The following ARFGAP1 variants were observed in gnomAD, a reference collection of about 807,000 sequenced individuals.
ARFGAP1 encodes ADP-ribosylation factor GTPase-activating protein 1.
A neutral mutation model predicts 54.0 loss-of-function variants in ARFGAP1; 26 were observed. That is an observed-to-expected ratio of 0.48 (90% CI 0.35 to 0.67). The LOEUF (loss-of-function observed/expected upper bound fraction) is 0.67. Ranked by LOEUF, ARFGAP1 falls within the 30% of genes least tolerant of loss-of-function variation. The pLI is 0.00. For missense variants in ARFGAP1, 525 were observed against 535.8 expected, an observed-to-expected ratio of 0.98 and a Z score of 0.20; for synonymous variants, 248 against 211.9, an observed-to-expected ratio of 1.17 and a Z score of -1.48.
At chr20:63,278,285 G>GAA in intron 6 of ARFGAP1, 82 bp downstream of exon 6, 1 of 1,441,538 alleles carries the variant, frequency 6.9e-7, no homozygotes, top group Non-Finnish European at 9.6e-7. Flanking sequence ...CTTCCCTTGG[G>GAA]GCCTCCCATG....
At chr20:63,282,704 G>T in intron 8 of ARFGAP1, 115 bp from the exon 9 acceptor site, 1 of 1,066,276 alleles carries the variant, frequency 9.4e-7, no homozygotes, top group Non-Finnish European at 1.5e-6. Context: ...CAGAGCCGCT[G>T]GCAGCCCGGG....
At chr20:63,282,762 G>T (rs2067418031) in intron 8 of ARFGAP1, 57 bp from the exon 9 acceptor site, 1 of 1,594,780 alleles carries the variant, frequency 6.3e-7, no homozygotes, top group African/African-American at 1.3e-5. Flanking sequence ...CCCTGAGGAA[G>T]GATGCCTGGC....
chr20:63,279,757 A>G (rs1000934126), intron 7 of ARFGAP1, among the ~76,000 whole-genome samples: 7 of 152,220 alleles, frequency 4.6e-5, no homozygotes, highest in African/African-American at 1.7e-4. Flanking sequence ...TGTTCAGAGT[A>G]TGACACCCTG....
At chr20:63,284,820 C>T (rs1413689078) in intron 9 of ARFGAP1, 46 bp from the exon 10 acceptor site, 53 of 1,608,724 alleles carry the variant, frequency 3.3e-5, no homozygotes, top group Non-Finnish European at 4.4e-5. Flanking sequence ...GACCCGTGTC[C>T]CGTGGTGGAG....
chr20:63,286,061 G>A (rs755007236), intron 11 of ARFGAP1: 19 of 1,549,600 alleles, frequency 1.2e-5, no homozygotes, highest in Non-Finnish European at 1.6e-5. Flanking sequence ...TTCCTGGCAT[G>A]AGGCGCTCTG....
chr20:63,278,475 G>A, intron 6 of ARFGAP1: 2 of 490,626 alleles, frequency 4.1e-6, no homozygotes, highest in Non-Finnish European at 7.4e-6. Flanking sequence ...GTGAATTGGG[G>A]GTCTTGGGTG....
chr20:63,278,934 C>G lies in ARFGAP1; in HGVS notation c.566C>G (p.Thr189Arg), dbSNP rs534344317. ...QGNRYVGFGN[T>R]PPPQKKEDDF... is the part of the protein sequence containing the mutation. ...AATCGCTACGTGGGGTTTGGGAACACGCCACCGCCTCAGAAGAAAGAAGAT... is the reference window on the plus strand; with the variant it reads ...AATCGCTACGTGGGGTTTGGGAACAGGCCACCGCCTCAGAAGAAAGAAGAT... Residue 189 changes from threonine (T) to arginine (R), a missense_variant, in exon 7 of 13, where the codon ACG (threonine) becomes AGG (arginine). Thr to Arg is a moderately conservative substitution (Grantham distance 71, BLOSUM62 -1). Transcript: ENST00000370283. 1 of 1,614,002 alleles carries G rather than the reference C, an allele frequency of 6.2e-7. No homozygotes were observed. The highest frequency in any genetic ancestry group is 1.7e-5 in the Admixed American group (1 of 60,012).
intron 8 of ARFGAP1, 116 bp from the exon 9 acceptor site, chr20:63,282,703 T>C (rs2067415875): frequency 1.9e-6 from 2 of 1,054,036 alleles, no homozygotes; most frequent in Non-Finnish European, 3.0e-6. Flanking sequence ...CCAGAGCCGC[T>C]GGCAGCCCGG....
intron 4 of ARFGAP1, 91 bp from the exon 5 acceptor site, chr20:63,277,114 G>T: frequency 1.8e-6 from 2 of 1,110,718 alleles, no homozygotes; most frequent in South Asian, 2.8e-5. Flanking sequence ...GGTGCTCCAG[G>T]CGGGCCGTGG....
chr20:63,285,472 C>T (rs2067507144), intron 10 of ARFGAP1, 182 bp from the exon 11 acceptor site: 1 of 657,142 alleles, frequency 1.5e-6, no homozygotes, highest in Non-Finnish European at 2.6e-6. Context: ...CTCACAGTGA[C>T]ATGGTTTCTT....
chr20:63,277,357 A>G (rs982383432), intron 5 of ARFGAP1, 52 bp downstream of exon 5: 3 of 1,454,394 alleles, frequency 2.1e-6, no homozygotes, highest in African/African-American at 1.4e-5. Context: ...TCCTGAACTT[A>G]GTAGATTGGG....
In ARFGAP1 at chr20:63,288,031, C is replaced by G; in HGVS notation, c.*158C>G. ...ACCCTAGGGAGACCCGGGTGTGCGC[C>G]GCCTGCGCGTGGGGAGTCTTCGGTG... On this transcript the variant is annotated 3_prime_UTR_variant, in exon 13 of 13. Coordinates refer to ENST00000370283, the MANE Select transcript of ARFGAP1 (RefSeq NM_018209.4). 1 of 896,624 alleles carries G rather than the reference C, an allele frequency of 1.1e-6. No individual in the cohort carries two copies. The highest frequency in any genetic ancestry group is 1.6e-6 in the Non-Finnish European group (1 of 607,408). 55.5% of individuals were successfully genotyped at this position (896,624 alleles called of 1,614,324 possible). A position where few individuals can be genotyped will look rare whatever the true frequency, so the allele number is the denominator to read the frequency against.
At chr20:63,274,642 A>G (rs1290209911) in intron 1 of ARFGAP1, among the ~76,000 whole-genome samples, 1 of 152,162 alleles carries the variant, frequency 6.6e-6, no homozygotes, top group East Asian at 1.9e-4. Flanking sequence ...ATGGGCTGGC[A>G]GGGATCCAGG....
At chr20:63,281,046 G>T (rs751674732) in intron 7 of ARFGAP1, among the ~76,000 whole-genome samples, 8 of 152,124 alleles carry the variant, frequency 5.3e-5, no homozygotes, top group Non-Finnish European at 7.4e-5. Flanking sequence ...GCCACGGGAG[G>T]CTGGTTTGCG....
intron 12 of ARFGAP1, 119 bp downstream of exon 12, chr20:63,286,561 C>A: frequency 3.0e-6 from 3 of 1,008,878 alleles, no homozygotes; most frequent in Non-Finnish European, 4.4e-6. Context: ...ACTGTGGAGG[C>A]TCTCCGGGAG....
intron 8 of ARFGAP1, 119 bp from the exon 9 acceptor site, chr20:63,282,700 C>A (rs910652113): frequency 3.0e-6 from 3 of 1,006,236 alleles, no homozygotes; most frequent in Admixed American, 3.6e-5. Context: ...CGCCCAGAGC[C>A]GCTGGCAGCC....
In ARFGAP1 at chr20:63,275,546, A is replaced by G. The variant is rs1164768548; in HGVS notation, c.-4-31A>G. On this transcript the variant is annotated intron_variant, in intron 1 of 12. Coordinates refer to ENST00000370283, the MANE Select transcript of ARFGAP1 (RefSeq NM_018209.4). ...TTTTTTGTAGAGTAGCCTGTTTGTA[A>G]GTTTAAAGTGTTTATTTTTCTCCTT... 1.9e-6 allele frequency: 3 copies of G among 1,607,418 alleles called. No individual in the cohort carries two copies. In the South Asian group the frequency reaches 3.3e-5, roughly 18 times the overall value.
chr20:63,275,319 C>T (rs994231296), intron 1 of ARFGAP1, among the ~76,000 whole-genome samples: 5 of 152,178 alleles, frequency 3.3e-5, no homozygotes, highest in African/African-American at 1.2e-4. Context: ...AGCAAAGCGG[C>T]AGCAGTAATG....
In ARFGAP1 at chr20:63,285,774, G is replaced by T. The variant is rs559537348; in HGVS notation, c.834+61G>T. 1,152 of 1,588,920 alleles carry T rather than the reference G, an allele frequency of 7.3e-4. 1 individual carries two copies. Among genetic ancestry groups the T allele is most frequent in the Non-Finnish European group, 9.1e-4 (1,053 of 1,158,298 alleles). On this transcript the variant is annotated intron_variant, in intron 11 of 12. Transcript: ENST00000370283. The stretch of plus-strand genomic sequence containing the variant: ...GCCAGTCTCCATATTCCACGGCCCT[G>T]GGCGTGAGAGCAGGGTGTGCCCCGT...
Sources: gnomAD v4.1 joint callset for allele counts (sites outside exome capture counted in the v4.1 genomes callset) on GRCh38, gnomAD v4.1.1 for gene constraint, MANE v1.5 for transcripts, NCBI Gene and HGNC (gene_info 2026-07-23, HGNC 2026-07-21) for gene names.